Variants in STRIP2 observed in about 807,000 individuals in gnomAD.
The protein encoded by STRIP2 is striatin interacting protein 2, also known as striatin-interacting protein 2.
A neutral mutation model predicts 107.1 loss-of-function variants in STRIP2; 84 were observed. That is an observed-to-expected ratio of 0.78 (90% CI 0.66 to 0.94). STRIP2 has a LOEUF of 0.94. Among genes scored for constraint, STRIP2 ranks in the 40% least tolerant of loss-of-function variants. The pLI is 0.00. For missense variants in STRIP2, 888 were observed against 1,034.2 expected (o/e 0.86, Z 1.94); for synonymous variants, 394 against 400.4 (o/e 0.98, Z 0.19).
chr7:129,458,561 A>G lies in STRIP2; in HGVS notation c.1274+111A>G, dbSNP rs1468120606. ...TCGTTAAGTTGGTCTGGCAGTCAGA[A>G]CTCCTGGGTTTGAAATTCCTTCTGT... is the stretch of plus-strand genomic sequence containing the variant. On this transcript the variant is annotated intron_variant, in intron 10 of 20. Coordinates refer to ENST00000249344, the MANE Select transcript of STRIP2 (RefSeq NM_020704.3). This position sits in a 1 kb window ranked among gnomAD's most constrained non-coding sequence, Gnocchi z 4.6. The G allele has an allele frequency of 7.2e-6, 9 of 1,245,866 alleles. No individual in the cohort carries two copies. Among genetic ancestry groups the G allele is most frequent in the Non-Finnish European group, 4.5e-6 (4 of 891,588 alleles). The allele number at this position is 1,245,866 out of a possible 1,614,324, so 77.2% of individuals were successfully genotyped here. A position where few individuals can be genotyped will look rare whatever the true frequency, so the allele number is the denominator to read the frequency against.
intron 18 of STRIP2, among the ~76,000 whole-genome samples, chr7:129,478,863 ACT>A (rs1166400701): frequency 6.6e-6 from 1 of 152,198 alleles, no homozygotes; most frequent in African/African-American, 2.4e-5. Context: ...TCTTTGAGAT[ACT>A]GAGGACTGCA....
At position 129,458,803 on chromosome 7, in the gene STRIP2, G is replaced by T; in HGVS notation, c.1340+26G>T. 1.2e-6 allele frequency: 2 copies of T among 1,612,504 alleles called. No individual in the cohort carries two copies. The highest frequency in any genetic ancestry group is 8.5e-7 in the Non-Finnish European group (1 of 1,178,582). On this transcript the variant is annotated intron_variant, in intron 11 of 20. Transcript: ENST00000249344. The surrounding 1 kb of genome is among the most constrained non-coding windows in gnomAD (Gnocchi z 4.6). ...GTAAGTGACTGAATGGCTGGAACTG[G>T]CTACAGAGTGGTTCCTAGGGGGCCA...
At chr7:129,454,042 C>T (rs977873764) in intron 5 of STRIP2, 100 bp from the exon 6 acceptor site, 5 of 1,101,900 alleles carry the variant, frequency 4.5e-6, no homozygotes, top group African/African-American at 1.5e-5. Context: ...GCTGCCTAGC[C>T]AGGGAATGGC....
chr7:129,444,290 C>A lies in STRIP2; in HGVS notation c.274+192C>A, dbSNP rs147676088. On this transcript the variant is annotated intron_variant, in intron 3 of 20. Coordinates refer to ENST00000249344, the MANE Select transcript of STRIP2 (RefSeq NM_020704.3). ...GGGGAGTTTATTAAGTATTAACTTA[C>A]ACAATCACAAGGTCCCATAATAGGC... is the stretch of plus-strand genomic sequence containing the variant. 6.7e-3 allele frequency among the ~76,000 whole-genome samples: 1,020 copies of A among 152,206 alleles called. 12 individuals are homozygous for A. Among genetic ancestry groups the A allele is most frequent in the African/African-American group, 0.023 (966 of 41,518 alleles).
Position 129,486,873 on chromosome 7 carries a change from T to C in STRIP2, c.*1044T>C, listed in dbSNP as rs749245989. ...GTCTCTACTTAAAAGTATTGCACAT[T>C]TCATTGAAAATGTGAGAGTTGATAT... On this transcript the variant is annotated 3_prime_UTR_variant, in exon 21 of 21. Coordinates refer to ENST00000249344, the MANE Select transcript of STRIP2 (RefSeq NM_020704.3). The C allele has an allele frequency of 1.3e-5, 2 of 152,172 alleles. No individual in the cohort carries two copies. Among genetic ancestry groups the C allele is most frequent in the African/African-American group, 2.4e-5 (1 of 41,446 alleles). The allele number at this position is 152,172 out of a possible 1,614,324, so 9.4% of individuals were successfully genotyped here. A position where few individuals can be genotyped will look rare whatever the true frequency, so the allele number is the denominator to read the frequency against.
chr7:129,450,443 T>A (rs920939554), intron 3 of STRIP2, among the ~76,000 whole-genome samples: 3 of 152,202 alleles, frequency 2.0e-5, no homozygotes, highest in African/African-American at 4.8e-5. Context: ...TTTCATCCCA[T>A]CTTCAACTTT....
chr7:129,435,152 CG>C (rs1443684728), intron 1 of STRIP2, among the ~76,000 whole-genome samples: 1 of 152,188 alleles, frequency 6.6e-6, no homozygotes, highest in Non-Finnish European at 1.5e-5. Flanking sequence ...GCGCCTTCCG[CG>C]GACATCAGGC....
intron 13 of STRIP2, 125 bp downstream of exon 13, chr7:129,460,497 G>A (rs890462244): frequency 7.5e-6 from 6 of 801,816 alleles, no homozygotes; most frequent in African/African-American, 6.9e-5. Context: ...GGCAAGACAA[G>A]GTCCCTACTT....
intron 1 of STRIP2, among the ~76,000 whole-genome samples, chr7:129,439,779 G>A (rs891581924): frequency 6.6e-6 from 1 of 152,068 alleles, no homozygotes; most frequent in Admixed American, 6.6e-5. Context: ...TGAGATCCTG[G>A]CCCTTTATTC....
intron 16 of STRIP2, among the ~76,000 whole-genome samples, chr7:129,465,229 A>G (rs771628895): frequency 6.6e-6 from 1 of 152,170 alleles, no homozygotes; most frequent in Non-Finnish European, 1.5e-5. Flanking sequence ...ACTGATACTG[A>G]TAAGCACTGG....
chr7:129,476,001 TTTTCCCCACA>T (rs1455115696), intron 18 of STRIP2, among the ~76,000 whole-genome samples: 1 of 152,082 alleles, frequency 6.6e-6, no homozygotes, highest in Non-Finnish European at 1.5e-5. Context: ...TTTCCCCATC[TTTTCCCCACA>T]TTTCCCCCCT....
intron 3 of STRIP2, 82 bp from the exon 4 acceptor site, chr7:129,451,531 C>T: frequency 6.6e-7 from 1 of 1,517,548 alleles, no homozygotes. Flanking sequence ...GAGCTGAGAT[C>T]AGAGGTGGAT....
chr7:129,448,798 T>G (rs1205052295), intron 3 of STRIP2, among the ~76,000 whole-genome samples: 1 of 152,204 alleles, frequency 6.6e-6, no homozygotes, highest in Non-Finnish European at 1.5e-5. Context: ...ATTTAAATTT[T>G]GTAGTTGAGT....
At chr7:129,484,290 A>G (rs571995288) in intron 20 of STRIP2, among the ~76,000 whole-genome samples, 1 of 152,342 alleles carries the variant, frequency 6.6e-6, no homozygotes, top group South Asian at 2.1e-4. Flanking sequence ...ATTGCCTCAC[A>G]TCAGAAGGCA....
intron 16 of STRIP2, among the ~76,000 whole-genome samples, chr7:129,466,893 TGGTCC>T (rs1798683239): frequency 6.6e-6 from 1 of 152,194 alleles, no homozygotes; most frequent in Admixed American, 6.5e-5. Context: ...TGGAGCCCAG[TGGTCC>T]ATTTGGTTAT....
intron 3 of STRIP2, among the ~76,000 whole-genome samples, chr7:129,451,252 T>G (rs927893372): frequency 9.2e-5 from 14 of 152,130 alleles, no homozygotes; most frequent in African/African-American, 1.7e-4. Context: ...AAAGGTCCTT[T>G]TATATTGGGC....
intron 17 of STRIP2, 43 bp downstream of exon 17, chr7:129,467,493 G>T (rs774320507): frequency 1.8e-5 from 26 of 1,471,856 alleles, no homozygotes; most frequent in Non-Finnish European, 2.4e-5. Flanking sequence ...CTATTTTGGG[G>T]TGGTTGAGAA....
At chr7:129,460,095 T>A (rs953630688) in intron 12 of STRIP2, among the ~76,000 whole-genome samples, 2 of 152,010 alleles carry the variant, frequency 1.3e-5, no homozygotes, top group African/African-American at 2.4e-5. Context: ...AACAGAATTT[T>A]AAAAAAACAC....
At chr7:129,477,156 G>T (rs1206752759) in intron 18 of STRIP2, among the ~76,000 whole-genome samples, 1 of 144,380 alleles carries the variant, frequency 6.9e-6, no homozygotes, top group African/African-American at 2.6e-5. Context: ...GCATCAGAGG[G>T]AGACCGTGGA....
Sources: allele counts gnomAD v4.1 joint callset (sites outside exome capture counted in the v4.1 genomes callset), GRCh38; gene constraint gnomAD v4.1.1; non-coding constraint Gnocchi (gnomAD v3.1); transcripts MANE v1.5; gene names NCBI Gene and HGNC (gene_info 2026-07-23, HGNC 2026-07-21).